The following MYCBP2 variants were observed in gnomAD, a reference collection of about 807,000 sequenced individuals.
The protein encoded by MYCBP2 is E3 ubiquitin-protein ligase MYCBP2.
In MYCBP2, 120 loss-of-function variants were observed where a neutral mutation model predicts 525.3. That is an observed-to-expected ratio of 0.23 (90% CI 0.20 to 0.27). The LOEUF (loss-of-function observed/expected upper bound fraction) is 0.27. Among genes scored for constraint, MYCBP2 ranks in the 10% least tolerant of loss-of-function variants. The probability of loss-of-function intolerance (pLI) is 1.00; values close to 1 mark genes in which losing one functional copy is unlikely to be tolerated. For synonymous variants in MYCBP2, 1,894 were observed against 1,955.8 expected, an observed-to-expected ratio of 0.97 and a Z score of 0.83; for missense variants, 4,149 against 5,657.1, an observed-to-expected ratio of 0.73 and a Z score of 8.55.
At chr13:77,074,895 T>A (rs1347551018) in intron 68 of MYCBP2, among the ~76,000 whole-genome samples, 1 of 152,068 alleles carries the variant, frequency 6.6e-6, no homozygotes, top group African/African-American at 2.4e-5. Flanking sequence ...GAGAGAAATT[T>A]GGGGAGTGAT....
At chr13:77,169,944 G>C (rs1406563294) in intron 38 of MYCBP2, among the ~76,000 whole-genome samples, 4 of 152,056 alleles carry the variant, frequency 2.6e-5, no homozygotes, top group African/African-American at 9.7e-5. Flanking sequence ...TTTCAGAAAG[G>C]AAAACCATGG....
At chr13:77,323,389 T>C (rs2081930509) in intron 1 of MYCBP2, among the ~76,000 whole-genome samples, 1 of 152,238 alleles carries the variant, frequency 6.6e-6, no homozygotes. Flanking sequence ...CATCATGTTT[T>C]TGTTTCTTGA....
chr13:77,126,482 C>T lies in MYCBP2; in HGVS notation c.7720G>A (p.Ala2574Thr). 1.2e-6 allele frequency: 2 copies of T among 1,613,908 alleles called. No homozygotes were observed. The highest frequency in any genetic ancestry group is 2.2e-5 in the South Asian group (2 of 91,068). ...KDINSCCPQE[A>T]TMQEQDMPFL... is the part of the protein sequence containing the mutation. Reference sequence around the variant, plus strand: ...GGCATATCTTGTTCTTGCATTGTTGCTTCCTGTGGGCAGCAGGAGTTTATG... The same window carrying T: ...GGCATATCTTGTTCTTGCATTGTTGTTTCCTGTGGGCAGCAGGAGTTTATG... The change falls in exon 53 of 83, where the codon GCA becomes ACA. Residue 2574 changes from alanine (A) to threonine (T), a missense_variant. This residue lies in a region of MYCBP2 where 692 missense variants were observed against 852.7 expected (regional missense o/e 0.81). Transcript: ENST00000544440.
chr13:77,324,105 T>C (rs1290949038), intron 1 of MYCBP2, among the ~76,000 whole-genome samples: 2 of 152,110 alleles, frequency 1.3e-5, no homozygotes, highest in Non-Finnish European at 2.9e-5. Flanking sequence ...ACACATTCCA[T>C]TCACTCCTCA....
At chr13:77,196,766 A>G (rs2061798742) in intron 26 of MYCBP2, among the ~76,000 whole-genome samples, 1 of 152,098 alleles carries the variant, frequency 6.6e-6, no homozygotes, top group Admixed American at 6.5e-5. Flanking sequence ...TGTTACCTCC[A>G]AAATGCCTAT....
At chr13:77,090,949 T>A (rs776411842) in intron 59 of MYCBP2, among the ~76,000 whole-genome samples, 2 of 152,104 alleles carry the variant, frequency 1.3e-5, no homozygotes, top group African/African-American at 2.4e-5. Context: ...ACACATTTTA[T>A]AAAAAAAGAG....
chr13:77,206,511 T>C lies in MYCBP2; in HGVS notation c.3589+142A>G. The C allele has an allele frequency of 3.9e-6, 3 of 761,094 alleles. No homozygotes were observed. The South Asian group carries it at 1.1e-4, about 27-fold the overall frequency. 47.1% of individuals were successfully genotyped at this position (761,094 alleles called of 1,614,324 possible). On this transcript the variant is annotated intron_variant, in intron 24 of 82. Transcript: ENST00000544440. ...TGTATTGTTTTCTGTGGAATTAGCC[T>C]CTTAGAGGATTTAACTTATTTTGTA... is the stretch of plus-strand genomic sequence containing the variant.
intron 14 of MYCBP2, among the ~76,000 whole-genome samples, chr13:77,253,373 GC>G (rs1391482523): frequency 1.3e-5 from 2 of 151,752 alleles, no homozygotes; most frequent in African/African-American, 4.8e-5. Flanking sequence ...CCATCCAAAT[GC>G]CCAAATACTA....
At chr13:77,305,043 C>T (rs892498875) in intron 1 of MYCBP2, among the ~76,000 whole-genome samples, 4 of 152,038 alleles carry the variant, frequency 2.6e-5, no homozygotes, top group Non-Finnish European at 4.4e-5. Flanking sequence ...ACTCTAGACT[C>T]GGATGGCTTT....
chr13:77,191,829 T>C lies in MYCBP2; in HGVS notation c.3936-16A>G, dbSNP rs1402388297. 2.5e-6 allele frequency: 4 copies of C among 1,611,954 alleles called. No homozygotes were observed. The Admixed American group carries it at 6.7e-5, about 27-fold the overall frequency. The stretch of plus-strand genomic sequence containing the variant: ...ATATTTTTCTCTGAGAAAAAATTAG[T>C]GAGTCAAAAACAATATTTTCTTACT... On this transcript the variant is annotated splice_polypyrimidine_tract_variant and intron_variant, in intron 27 of 82. Coordinates refer to ENST00000544440, the MANE Select transcript of MYCBP2 (RefSeq NM_015057.5).
At chr13:77,188,107 C>A (rs1370446479) in intron 30 of MYCBP2, among the ~76,000 whole-genome samples, 7 of 147,670 alleles carry the variant, frequency 4.7e-5, no homozygotes, top group Non-Finnish European at 7.5e-5. Flanking sequence ...TGGGAAGATA[C>A]ACACCAAAAT....
chr13:77,171,778 T>C (rs2059165001), intron 37 of MYCBP2, 144 bp from the exon 38 acceptor site: 14 of 704,726 alleles, frequency 2.0e-5, no homozygotes, highest in Non-Finnish European at 3.0e-5. Context: ...TATACAATAA[T>C]AGGGAATGAT....
chr13:77,300,601 A>G (rs1219738760), intron 1 of MYCBP2, among the ~76,000 whole-genome samples: 3 of 152,202 alleles, frequency 2.0e-5, no homozygotes, highest in Non-Finnish European at 2.9e-5. Flanking sequence ...ACAGGCCCAT[A>G]TCAGAAAGGA....
At chr13:77,103,401 T>C (rs1417439192) in intron 55 of MYCBP2, 2 of 395,222 alleles carry the variant, frequency 5.1e-6, no homozygotes, top group South Asian at 2.6e-4. Flanking sequence ...GCATTTCAAA[T>C]GGTATGCAAG....
chr13:77,144,758 T>C (rs779680009), intron 48 of MYCBP2, among the ~76,000 whole-genome samples, 198 bp from the exon 49 acceptor site: 7 of 152,174 alleles, frequency 4.6e-5, no homozygotes, highest in Non-Finnish European at 8.8e-5. Flanking sequence ...CCTCTCTTCC[T>C]AACTCTCAGG....
At chr13:77,237,983 C>T (rs1372952697) in intron 17 of MYCBP2, among the ~76,000 whole-genome samples, 1 of 152,098 alleles carries the variant, frequency 6.6e-6, no homozygotes, top group African/African-American at 2.4e-5. Context: ...GTGGCTCACG[C>T]CTGTAATCCC....
intron 17 of MYCBP2, among the ~76,000 whole-genome samples, chr13:77,235,155 A>T (rs1022685194): frequency 2.0e-5 from 3 of 152,114 alleles, no homozygotes; most frequent in Non-Finnish European, 4.4e-5. Flanking sequence ...AATGACAAAG[A>T]TACAGGTCTC....
intron 44 of MYCBP2, among the ~76,000 whole-genome samples, chr13:77,160,818 T>C (rs1027906736): frequency 6.6e-6 from 1 of 152,206 alleles, no homozygotes; most frequent in Non-Finnish European, 1.5e-5. Flanking sequence ...ACTAAGGCTA[T>C]AACAGAGTCT....
intron 56 of MYCBP2, among the ~76,000 whole-genome samples, chr13:77,096,805 G>A (rs1297878569): frequency 6.6e-6 from 1 of 151,982 alleles, no homozygotes; most frequent in African/African-American, 2.4e-5. Flanking sequence ...CTATAACAAT[G>A]ATATATTTTC....
Sources: gnomAD v4.1 joint callset for allele counts (sites outside exome capture counted in the v4.1 genomes callset) on GRCh38, gnomAD v4.1.1 for gene constraint, gnomAD v4.1.1 regional missense constraint, MANE v1.5 for transcripts, NCBI Gene and HGNC (gene_info 2026-07-23, HGNC 2026-07-21) for gene names.